The following CEP250 variants were observed in gnomAD, a reference collection of about 807,000 sequenced individuals.
CEP250 encodes centrosome-associated protein CEP250.
In CEP250, 242 loss-of-function variants were observed where a neutral mutation model predicts 315.7. That is an observed-to-expected ratio of 0.77 (90% confidence interval 0.69 to 0.85). The LOEUF (loss-of-function observed/expected upper bound fraction) is 0.85. Among genes scored for constraint, CEP250 ranks in the 40% least tolerant of loss-of-function variants. The probability of loss-of-function intolerance (pLI) is 0.00; values close to 1 mark genes in which losing one functional copy is unlikely to be tolerated. For synonymous variants in CEP250, 1,088 were observed against 1,175.0 expected, an observed-to-expected ratio of 0.93 and a Z score of 1.51; for missense variants, 2,515 against 2,886.4, an observed-to-expected ratio of 0.87 and a Z score of 2.95.
At chr20:35,509,865 C>CGT in intron 33 of CEP250, 133 bp from the exon 34 acceptor site, 1 of 790,486 alleles carries the variant, frequency 1.3e-6, no homozygotes, top group Non-Finnish European at 2.2e-6. Flanking sequence ...GACGTCCAGT[C>CGT]TGAGTTCAGA....
rs1568806160 is a variant in CEP250, at chr20:35,490,694, AG to A, written c.2647del (p.Glu883LysfsTer7). On this transcript the variant is annotated frameshift_variant, in exon 21 of 35. Transcript: ENST00000397527. LOFTEE classifies it high-confidence loss of function. ...GGCAAAGGCTCTGGAGAGCTTAGAA[AG>A]GGAAAAAATGGAGCTGGAAATGAGG... Reference protein sequence around the residue: ...ELAKALESLEREKMELEMRLK... With the variant: ...ELAKALESLEXEKMELEMRLK... 17 of 1,613,874 alleles carry A rather than the reference AG, an allele frequency of 1.1e-5. No individual in the cohort carries two copies. The highest frequency in any genetic ancestry group is 1.4e-5 in the Non-Finnish European group (17 of 1,179,918).
In CEP250 at chr20:35,458,966, C is replaced by T. The variant is rs866839830; in HGVS notation, c.-227+592C>T. Among the ~76,000 whole-genome samples, 395 of 59,174 alleles carry T rather than the reference C, an allele frequency of 6.7e-3. 4 individuals carry two copies. The highest frequency in any genetic ancestry group is 0.024 in the African/African-American group (315 of 13,264). The allele number at this position is 59,174 out of a possible 152,430, so 38.8% of individuals were successfully genotyped here. A position where few individuals can be genotyped will look rare whatever the true frequency, so the allele number is the denominator to read the frequency against. Reference sequence around the variant, plus strand: ...ATGGTATATTTGCTATAATGCAAATCTTTTTTTTTTTTTTTTTTTTTTTTT... The same window carrying T: ...ATGGTATATTTGCTATAATGCAAATTTTTTTTTTTTTTTTTTTTTTTTTTT... On this transcript the variant is annotated intron_variant, in intron 2 of 34. Coordinates refer to ENST00000397527, the MANE Select transcript of CEP250 (RefSeq NM_007186.6).
At chr20:35,498,153 G>C in intron 26 of CEP250, 86 bp downstream of exon 26, 2 of 994,682 alleles carry the variant, frequency 2.0e-6, no homozygotes, top group South Asian at 1.7e-5. Flanking sequence ...CTATTTGTTA[G>C]ACCATATTGC....
At position 35,502,596 on chromosome 20, in the gene CEP250, CG is replaced by C; in HGVS notation, c.4228del (p.Glu1410AsnfsTer2). On this transcript the variant is annotated frameshift_variant, in exon 30 of 35. Transcript: ENST00000397527. LOFTEE classifies it high-confidence loss of function. ...ERAQALQEQG[E>X]LKVAQGKALQ... is the part of the protein sequence containing the mutation. ...GAGCCCAGGCTCTGCAAGAGCAGGGCGAACTGAAGGTGGCCCAAGGGAAGGC... is the reference window on the plus strand; with the variant it reads ...GAGCCCAGGCTCTGCAAGAGCAGGGCAACTGAAGGTGGCCCAAGGGAAGGC... 2 of 1,614,204 alleles carry C rather than the reference CG, an allele frequency of 1.2e-6. No homozygotes were observed. The highest frequency in any genetic ancestry group is 1.7e-6 in the Non-Finnish European group (2 of 1,180,032).
Position 35,477,879 on chromosome 20 carries a change from G to C in CEP250, c.1872G>C (p.Glu624Asp), listed in dbSNP as rs2063217604. ...GLNQQLLQLEEENQSVCSRME... is the reference protein window; with the variant it reads ...GLNQQLLQLEDENQSVCSRME... ...CCCTTTTTGGCCAGTAGTTAGAGGA[G>C]GAGAACCAGTCTGTGTGCAGCAGAA... Residue 624 changes from glutamate (E) to aspartate (D), a missense_variant, in exon 17 of 35, where the codon GAG (glutamate) becomes GAC (aspartate). Transcript: ENST00000397527. 1 of 1,582,090 alleles carries C rather than the reference G, an allele frequency of 6.3e-7. No homozygotes were observed. The highest frequency in any genetic ancestry group is 1.7e-4 in the Middle Eastern group (1 of 6,014).
intron 28 of CEP250, among the ~76,000 whole-genome samples, chr20:35,501,294 G>A (rs2063994559): frequency 6.6e-6 from 1 of 152,116 alleles, no homozygotes; most frequent in Non-Finnish European, 1.5e-5. Context: ...CCGAGATTGT[G>A]CCACTGCATT....
At position 35,466,034 on chromosome 20, in the gene CEP250, T is replaced by C. The variant is rs2062870064; in HGVS notation, c.327-5T>C. ...TGCACCCACTTTTACCCCTCCCCAG[T>C]GCAGGTGTGAGAGTCTAGCAGAGGT... On this transcript the variant is annotated splice_polypyrimidine_tract_variant and splice_region_variant and intron_variant, in intron 6 of 34. Transcript: ENST00000397527. 1 of 1,613,992 alleles carries C rather than the reference T, an allele frequency of 6.2e-7. No individual in the cohort carries two copies. The highest frequency in any genetic ancestry group is 8.5e-7 in the Non-Finnish European group (1 of 1,180,008).
At chr20:35,488,790 G>A (rs2063597384) in intron 20 of CEP250, among the ~76,000 whole-genome samples, 1 of 152,136 alleles carries the variant, frequency 6.6e-6, no homozygotes, top group South Asian at 2.1e-4. Flanking sequence ...TATGGTCTGG[G>A]AAGGCTTCAC....
rs777106939 is a variant in CEP250, at chr20:35,503,708, T to C, written c.5339T>C (p.Ile1780Thr). 4.3e-6 allele frequency: 7 copies of C among 1,613,364 alleles called. No individual in the cohort carries two copies. In the African/African-American group the frequency reaches 9.4e-5, roughly 22 times the overall value. ...CTCCTGTCCCAGCGAGAGCAGGAAA[T>C]AGTGGTCCTGCAGCAGCAACTGCAG... ...SLLLSQREQEIVVLQQQLQEA... is the reference protein window; with the variant it reads ...SLLLSQREQETVVLQQQLQEA... Residue 1780 changes from isoleucine (I) to threonine (T), a missense_variant, in exon 30 of 35, where the codon ATA (isoleucine) becomes ACA (threonine). Ile to Thr is a moderately conservative substitution (Grantham distance 89). Coordinates refer to ENST00000397527, the MANE Select transcript of CEP250 (RefSeq NM_007186.6). This position sits in a 1 kb window ranked among gnomAD's most constrained non-coding sequence, Gnocchi z 4.2.
Position 35,480,138 on chromosome 20 carries a change from A to G in CEP250, c.2579A>G (p.Glu860Gly). The G allele has an allele frequency of 6.2e-7, 1 of 1,611,402 alleles. No homozygotes were observed. Reference protein sequence around the residue: ...AHEKEVNQLREKWEKERSWHQ... With the variant: ...AHEKEVNQLRGKWEKERSWHQ... ...GAGAAAGAGGTGAACCAGCTCCGGG[A>G]GAAATGGGTAAGTGGTCAATGTGGC... The change falls in exon 20 of 35, where the codon GAG becomes GGG. Residue 860 changes from glutamate to glycine, a missense_variant. Coordinates refer to ENST00000397527, the MANE Select transcript of CEP250 (RefSeq NM_007186.6).
chr20:35,500,638 T>A (rs898910385), intron 28 of CEP250, among the ~76,000 whole-genome samples: 1 of 152,202 alleles, frequency 6.6e-6, no homozygotes, highest in African/African-American at 2.4e-5. Context: ...CTTGAACTCC[T>A]GGCCTCAAGT....
intron 22 of CEP250, among the ~76,000 whole-genome samples, chr20:35,492,026 T>C (rs1411474485): frequency 6.6e-6 from 1 of 152,044 alleles, no homozygotes; most frequent in African/African-American, 2.4e-5. Flanking sequence ...TAAATGAGAT[T>C]ATTACAGTTT....
At chr20:35,491,181 C>T (rs2063679436) in intron 21 of CEP250, 31 bp from the exon 22 acceptor site, 1 of 1,606,646 alleles carries the variant, frequency 6.2e-7, no homozygotes, top group Non-Finnish European at 8.5e-7. Context: ...ATCCTGAGCC[C>T]ACAAGCTGTT....
chr20:35,493,558 G>T lies in CEP250; in HGVS notation c.3019G>T (p.Asp1007Tyr). The T allele has an allele frequency of 6.4e-7, 1 of 1,559,666 alleles. No homozygotes were observed. Among genetic ancestry groups the T allele is most frequent in the Non-Finnish European group, 8.7e-7 (1 of 1,155,268 alleles). Residue 1007 changes from aspartate to tyrosine, a missense_variant, in exon 23 of 35, where the codon GAC becomes TAC. Asp to Tyr is a radical substitution (Grantham distance 160). Transcript: ENST00000397527. The part of the protein sequence containing the change: ...ESSSLLQDKM[D>Y]LQKQVEDLKS... ...CAGCTCCCTGCTGCAGGATAAGATG[G>T]ACCTGCAGAAGCAGGTCCCCTCCTC...
Position 35,470,623 on chromosome 20 carries a change from C to T in CEP250, c.948+637C>T, listed in dbSNP as rs562966148. 2.0e-5 allele frequency among the ~76,000 whole-genome samples: 3 copies of T among 152,274 alleles called. No individual in the cohort carries two copies. In the East Asian group the frequency reaches 5.8e-4, roughly 29 times the overall value. On this transcript the variant is annotated intron_variant, in intron 10 of 34. Transcript: ENST00000397527. ...AAAAAATTAGCCGGTCGTGGTGGCA[C>T]ATGCCTATAAACCCAGCTGCTCGGG...
chr20:35,476,753 T>C, intron 16 of CEP250, 158 bp downstream of exon 16: 1 of 597,274 alleles, frequency 1.7e-6, no homozygotes, highest in East Asian at 2.9e-5. Flanking sequence ...ATTATAAATA[T>C]TCCCCTCCCA....
intron 8 of CEP250, 107 bp downstream of exon 8, chr20:35,467,179 G>GGCCCCC: frequency 9.3e-6 from 5 of 534,866 alleles, no homozygotes; most frequent in Non-Finnish European, 1.8e-5. Flanking sequence ...GGTGGGTGGG[G>GGCCCCC]GAGTTGGTAG....
intron 20 of CEP250, among the ~76,000 whole-genome samples, chr20:35,481,675 A>G (rs2146911723): frequency 1.5e-5 from 2 of 131,684 alleles, no homozygotes; most frequent in African/African-American, 2.9e-5. Flanking sequence ...GTCTGTTGGT[A>G]GTTAATTGTC....
chr20:35,485,645 CT>C (rs782622070), intron 20 of CEP250, among the ~76,000 whole-genome samples: 889 of 33,652 alleles, frequency 0.026, no homozygotes, highest in African/African-American at 0.058. Flanking sequence ...GTCTGCCTGG[CT>C]TTTTTTTTTT....
Sources: allele counts gnomAD v4.1 joint callset (sites outside exome capture counted in the v4.1 genomes callset), GRCh38; gene constraint gnomAD v4.1.1; non-coding constraint Gnocchi (gnomAD v3.1); transcripts MANE v1.5; gene names NCBI Gene and HGNC (gene_info 2026-07-23, HGNC 2026-07-21).